TCF21: variants seen among roughly 807,000 people sequenced by gnomAD.
The protein encoded by TCF21 is capsulin.
Under a neutral mutation model 13.5 loss-of-function variants are expected in TCF21, and 3 were observed. That is an observed-to-expected ratio of 0.22 (90% confidence interval 0.10 to 0.57). TCF21 has a LOEUF of 0.57. TCF21 is among the 20% of genes least tolerant of loss of function. TCF21 has a pLI of 0.92. For missense variants in TCF21, 181 were observed against 238.4 expected (o/e 0.76, Z 1.59); for synonymous variants, 92 against 101.7 (o/e 0.90, Z 0.57).
At position 133,889,934 on chromosome 6, in the gene TCF21, G is replaced by C. The variant is rs563397710; in HGVS notation, c.450+87G>C. The C allele has an allele frequency of 2.4e-5, 35 of 1,462,998 alleles. No individual in the cohort carries two copies. The highest frequency in any genetic ancestry group is 3.1e-5 in the Non-Finnish European group (33 of 1,049,556). 90.6% of individuals were successfully genotyped at this position (1,462,998 alleles called of 1,614,324 possible). Reference sequence around the variant, plus strand: ...CGCGAGTGCGCGCGGGGCTGGGAGTGGGGGTGTGGGCGCGGCGGTGACTTA... The same window carrying C: ...CGCGAGTGCGCGCGGGGCTGGGAGTCGGGGTGTGGGCGCGGCGGTGACTTA... On this transcript the variant is annotated intron_variant, in intron 1 of 1. Coordinates refer to ENST00000367882, the MANE Select transcript of TCF21 (RefSeq NM_003206.4). The surrounding 1 kb of genome is among the most constrained non-coding windows in gnomAD (Gnocchi z 5.1).
chr6:133,894,085 C>T (rs768907311), downstream of TCF21: 1 of 152,204 alleles, frequency 6.6e-6, no homozygotes, highest in South Asian at 2.1e-4. Context: ...GTTACTTTTA[C>T]TAAGTGGCGG....
At position 133,889,310 on chromosome 6, in the gene TCF21, G is replaced by T. The variant is rs975255114; in HGVS notation, c.-88G>T. ...CACTCGGGAGGCCTCTTGGTTTCAG[G>T]GTCTCTCTGTCTCTCTCTCACCCTC... On this transcript the variant is annotated 5_prime_UTR_variant, in exon 1 of 2. Transcript: ENST00000367882. The surrounding 1 kb of genome is among the most constrained non-coding windows in gnomAD (Gnocchi z 5.1). The T allele has an allele frequency of 3.3e-5, 52 of 1,552,408 alleles. No homozygotes were observed. The highest frequency in any genetic ancestry group is 4.4e-5 in the Non-Finnish European group (50 of 1,136,024).
At chr6:133,893,264 CG>C (rs1233429794), downstream of TCF21, 1 of 152,364 alleles carries the variant, frequency 6.6e-6, no homozygotes, top group Non-Finnish European at 1.5e-5. Flanking sequence ...AGGCTGGTCC[CG>C]ACTGGAGAAG....
At chr6:133,894,815 T>C (rs958512109), downstream of TCF21, 2 of 152,188 alleles carry the variant, frequency 1.3e-5, no homozygotes, top group African/African-American at 4.8e-5. Context: ...ATGTTAAGGG[T>C]GGGGAGTATC....
Position 133,889,332 on chromosome 6 carries a change from C to A in TCF21, c.-66C>A. The A allele has an allele frequency of 1.3e-6, 2 of 1,592,072 alleles. No homozygotes were observed. The highest frequency in any genetic ancestry group is 3.3e-5 in the Admixed American group (2 of 59,930). ...CAGGGTCTCTCTGTCTCTCTCTCACCCTCTTCCTCGCTTTCTCTGTCTCTC... is the reference window on the plus strand; with the variant it reads ...CAGGGTCTCTCTGTCTCTCTCTCACACTCTTCCTCGCTTTCTCTGTCTCTC... On this transcript the variant is annotated 5_prime_UTR_variant, in exon 1 of 2. Coordinates refer to ENST00000367882, the MANE Select transcript of TCF21 (RefSeq NM_003206.4). This position sits in a 1 kb window ranked among gnomAD's most constrained non-coding sequence, Gnocchi z 5.1.
chr6:133,895,221 A>T (rs1210124759), downstream of TCF21: 3 of 152,230 alleles, frequency 2.0e-5, no homozygotes, highest in Non-Finnish European at 4.4e-5. Flanking sequence ...GTTCTTCAGA[A>T]TCACCTAGAT....
At chr6:133,891,284 C>T (rs1016414515) in intron 1 of TCF21, among the ~76,000 whole-genome samples, 8 of 152,210 alleles carry the variant, frequency 5.3e-5, no homozygotes, top group Admixed American at 6.5e-5. Flanking sequence ...CAGAAGGAGG[C>T]CAGGAGGGCG....
downstream of TCF21, chr6:133,893,346 A>C (rs1775251787): frequency 6.6e-6 from 1 of 152,356 alleles, no homozygotes; most frequent in Non-Finnish European, 1.5e-5. Context: ...CACATTACCA[A>C]GCGCAATTCC....
Position 133,891,964 on chromosome 6 carries a change from C to G in TCF21, c.*162C>G. 1 of 681,522 alleles carries G rather than the reference C, an allele frequency of 1.5e-6. No individual in the cohort carries two copies. The highest frequency in any genetic ancestry group is 2.5e-6 in the Non-Finnish European group (1 of 407,454). The allele number at this position is 681,522 out of a possible 1,614,324, so 42.2% of individuals were successfully genotyped here. A position where few individuals can be genotyped will look rare whatever the true frequency, so the allele number is the denominator to read the frequency against. The stretch of plus-strand genomic sequence containing the variant: ...TTTACAACGACGAGGAGATTCGTTT[C>G]CAAACCAGAGGAGATCAATTGTACT... On this transcript the variant is annotated 3_prime_UTR_variant, in exon 2 of 2. Coordinates refer to ENST00000367882, the MANE Select transcript of TCF21 (RefSeq NM_003206.4).
Position 133,889,351 on chromosome 6 carries a change from G to GTC in TCF21, c.-41_-40dup, listed in dbSNP as rs371010861. On this transcript the variant is annotated 5_prime_UTR_variant, in exon 1 of 2. Coordinates refer to ENST00000367882, the MANE Select transcript of TCF21 (RefSeq NM_003206.4). This position sits in a 1 kb window ranked among gnomAD's most constrained non-coding sequence, Gnocchi z 5.1. ...TCTCACCCTCTTCCTCGCTTTCTCT[G>GTC]TCTCTCTGTCTCTCTCTCTCTCTCT... The GTC allele has an allele frequency of 5.6e-4, 895 of 1,588,666 alleles. 2 individuals are homozygous for GTC. The African/African-American group carries it at 8.5e-3, about 15-fold the overall frequency.
At position 133,889,357 on chromosome 6, in the gene TCF21, CTG is replaced by C. The variant is rs764954176; in HGVS notation, c.-39_-38del. 1.3e-6 allele frequency: 2 copies of C among 1,536,220 alleles called. No homozygotes were observed. The highest frequency in any genetic ancestry group is 1.8e-6 in the Non-Finnish European group (2 of 1,124,324). On this transcript the variant is annotated 5_prime_UTR_variant, in exon 1 of 2. Transcript: ENST00000367882. The surrounding 1 kb of genome is among the most constrained non-coding windows in gnomAD (Gnocchi z 5.1). ...CCTCTTCCTCGCTTTCTCTGTCTCT[CTG>C]TCTCTCTCTCTCTCTCTCCCTCGTC...
chr6:133,890,763 T>A (rs564195702), intron 1 of TCF21, among the ~76,000 whole-genome samples: 2 of 152,346 alleles, frequency 1.3e-5, no homozygotes, highest in South Asian at 4.1e-4. Context: ...TTTTTCCTTT[T>A]AAAAGGCAAG....
intron 1 of TCF21, among the ~76,000 whole-genome samples, chr6:133,890,420 A>G (rs1243645540): frequency 6.6e-6 from 1 of 152,198 alleles, no homozygotes; most frequent in Non-Finnish European, 1.5e-5. Context: ...TAAGTGGATT[A>G]ATATTTTTAA....
chr6:133,889,840 T>C lies in TCF21; in HGVS notation c.443T>C (p.Val148Ala). Residue 148 changes from valine to alanine, a missense_variant, in exon 1 of 2, where the codon GTC becomes GCC. Physicochemically the swap from Val to Ala is moderately conservative, Grantham distance 64 (BLOSUM62 0). Around this residue, in one of 3 missense-constraint regions of TCF21, gnomAD observed 55 missense variants for 59.5 expected, o/e 0.92. Transcript: ENST00000367882. This position sits in a 1 kb window ranked among gnomAD's most constrained non-coding sequence, Gnocchi z 5.1. The part of the protein sequence containing the change: ...DKYENGYIHP[V>A]NLTWPFMVAG... ...TACGAGAACGGGTACATTCACCCGG[T>C]CAACCTGGTGAGTGCTCCCGGGGCT... 3 of 1,612,760 alleles carry C rather than the reference T, an allele frequency of 1.9e-6. No individual in the cohort carries two copies. Among genetic ancestry groups the C allele is most frequent in the Non-Finnish European group, 1.7e-6 (2 of 1,179,792 alleles).
chr6:133,895,278 C>G (rs938296736), downstream of TCF21: 1 of 152,072 alleles, frequency 6.6e-6, no homozygotes, highest in Admixed American at 6.6e-5. Context: ...GAAGTGGGGC[C>G]CCAGGTGATG....
chr6:133,895,337 G>A (rs9389114), downstream of TCF21: 136,705 of 152,194 alleles, frequency 0.9, 61,434 homozygotes, highest in Admixed American at 0.94. Flanking sequence ...ATGTTTTCAG[G>A]TGTCTCATGA....
intron 1 of TCF21, among the ~76,000 whole-genome samples, chr6:133,891,047 C>T (rs1045128309): frequency 6.6e-6 from 1 of 152,154 alleles, no homozygotes; most frequent in Non-Finnish European, 1.5e-5. Flanking sequence ...TATAAAACAG[C>T]CCGGAGAAAG....
chr6:133,893,588 CAA>C (rs993376510), downstream of TCF21: 7 of 152,180 alleles, frequency 4.6e-5, no homozygotes, highest in Admixed American at 2.0e-4. Flanking sequence ...GAGTTCAAAT[CAA>C]AGAGTCCCCA....
intron 1 of TCF21, 32 bp from the exon 2 acceptor site, chr6:133,891,681 A>G (rs781469583): frequency 1.3e-5 from 14 of 1,084,210 alleles, no homozygotes; most frequent in Middle Eastern, 2.6e-4. Context: ...CGCCACGGCC[A>G]CTTACCTCCT....
Sources: allele counts gnomAD v4.1 joint callset (sites outside exome capture counted in the v4.1 genomes callset), GRCh38; gene constraint gnomAD v4.1.1; regional missense constraint gnomAD v4.1.1; non-coding constraint Gnocchi (gnomAD v3.1); transcripts MANE v1.5; gene names NCBI Gene and HGNC (gene_info 2026-07-23, HGNC 2026-07-21).